Variants in AQP9 observed in about 807,000 individuals in gnomAD.
AQP9 encodes the protein aquaporin 9.
A neutral mutation model predicts 23.8 loss-of-function variants in AQP9; 19 were observed. The observed-to-expected ratio is 0.80, with a 90% CI of 0.56 to 1.17. The LOEUF is 1.17. AQP9 is among the 50% of genes most tolerant of loss of function. AQP9 has a pLI of 0.00. For missense variants in AQP9, 413 were observed against 362.0 expected, an observed-to-expected ratio of 1.14 and a Z score of -1.14; for synonymous variants, 153 against 131.5, an observed-to-expected ratio of 1.16 and a Z score of -1.12.
intron 1 of AQP9, chr15:58,155,185 G>A (rs938186549): frequency 5.9e-5 from 9 of 152,124 alleles, no homozygotes; most frequent in African/African-American, 1.7e-4. Flanking sequence ...TGTAAACTAC[G>A]GCTGAATAAT....
chr15:58,139,160 G>A (rs771795229), intron 1 of AQP9, among the ~76,000 whole-genome samples: 2 of 152,174 alleles, frequency 1.3e-5, no homozygotes, highest in Non-Finnish European at 2.9e-5. Context: ...TGTGCTGTCA[G>A]ATCACTTGAT....
intron 1 of AQP9, among the ~76,000 whole-genome samples, chr15:58,162,118 A>G (rs1277053520): frequency 2.0e-5 from 3 of 152,236 alleles, no homozygotes; most frequent in Non-Finnish European, 4.4e-5. Context: ...CAGAAGGTAC[A>G]GGGTTAATTA....
intron 3 of AQP9, among the ~76,000 whole-genome samples, chr15:58,173,628 T>G: frequency 6.6e-6 from 1 of 152,168 alleles, no homozygotes; most frequent in East Asian, 1.9e-4. Context: ...AGATGTGGGC[T>G]GGGTGGGAGC....
At chr15:58,177,817 A>G (rs1898792334) in intron 4 of AQP9, among the ~76,000 whole-genome samples, 1 of 152,228 alleles carries the variant, frequency 6.6e-6, no homozygotes, top group African/African-American at 2.4e-5. Flanking sequence ...AAAACTAATA[A>G]CATAGAAACC....
chr15:58,138,356 T>C (rs1897892954), upstream of AQP9: 2 of 452,140 alleles, frequency 4.4e-6, no homozygotes, highest in South Asian at 3.9e-5. Flanking sequence ...TTCAAACAAA[T>C]AGCAGCGAAC....
intron 2 of AQP9, 88 bp downstream of exon 2, chr15:58,166,887 A>T (rs1898519936): frequency 4.9e-6 from 7 of 1,438,076 alleles, no homozygotes; most frequent in African/African-American, 1.4e-5. Context: ...ACCTTAATTT[A>T]CTTATATCTC....
chr15:58,166,324 T>C (rs1428594690), intron 1 of AQP9, among the ~76,000 whole-genome samples: 8 of 152,230 alleles, frequency 5.3e-5, no homozygotes, highest in African/African-American at 1.9e-4. Flanking sequence ...GACTTTTCTG[T>C]ATTATTTCTT....
At chr15:58,164,211 C>T (rs1898449273) in intron 1 of AQP9, 1 of 152,170 alleles carries the variant, frequency 6.6e-6, no homozygotes, top group African/African-American at 2.4e-5. Context: ...CACGGACCCA[C>T]TTGAGCCATT....
intron 1 of AQP9, chr15:58,146,722 A>G (rs1227544352): frequency 2.6e-5 from 4 of 152,130 alleles, no homozygotes; most frequent in Non-Finnish European, 5.9e-5. Flanking sequence ...GTTCTTCCAG[A>G]GCAGGTTTGC....
chr15:58,156,980 A>C (rs1415501152), intron 1 of AQP9, among the ~76,000 whole-genome samples: 3 of 152,172 alleles, frequency 2.0e-5, no homozygotes, highest in Non-Finnish European at 4.4e-5. Flanking sequence ...CCTCCTCCTA[A>C]AGGGGATTAA....
At chr15:58,164,813 TCTC>T (rs570138621) in intron 1 of AQP9, among the ~76,000 whole-genome samples, 13 of 152,244 alleles carry the variant, frequency 8.5e-5, no homozygotes, top group African/African-American at 3.1e-4. Flanking sequence ...TGTAACTTAT[TCTC>T]CTCTAAAGGA....
chr15:58,145,205 A>C (rs1292537074), intron 1 of AQP9, among the ~76,000 whole-genome samples: 3 of 151,744 alleles, frequency 2.0e-5, no homozygotes, highest in Non-Finnish European at 4.4e-5. Flanking sequence ...CCTTTCTATT[A>C]ACGTATTTAC....
intron 5 of AQP9, 120 bp from the exon 6 acceptor site, chr15:58,183,841 T>G: frequency 8.8e-7 from 1 of 1,141,336 alleles, no homozygotes; most frequent in Non-Finnish European, 1.3e-6. Context: ...TATACTTAGC[T>G]CTTGCTGAGT....
intron 1 of AQP9, among the ~76,000 whole-genome samples, chr15:58,157,308 G>T (rs1197251179): frequency 6.6e-6 from 1 of 152,190 alleles, no homozygotes; most frequent in East Asian, 1.9e-4. Context: ...GCTCTGAACT[G>T]GCACCACTGG....
At chr15:58,167,897 G>C (rs962718476) in intron 2 of AQP9, among the ~76,000 whole-genome samples, 12 of 152,040 alleles carry the variant, frequency 7.9e-5, no homozygotes, top group African/African-American at 2.7e-4. Context: ...TAATTATTTT[G>C]TATTTTTAGT....
chr15:58,157,737 C>T (rs530658682), intron 1 of AQP9, among the ~76,000 whole-genome samples: 104 of 152,208 alleles, frequency 6.8e-4, no homozygotes, highest in African/African-American at 2.1e-3. Flanking sequence ...AGTTTTCTAC[C>T]GGTGGGTGCT....
At chr15:58,158,705 A>T (rs966225194) in intron 1 of AQP9, among the ~76,000 whole-genome samples, 1 of 152,208 alleles carries the variant, frequency 6.6e-6, no homozygotes, top group Admixed American at 6.5e-5. Flanking sequence ...TATACACTAC[A>T]ACATTCTTTT....
At chr15:58,169,551 T>A (rs1898577031) in intron 2 of AQP9, among the ~76,000 whole-genome samples, 1 of 152,200 alleles carries the variant, frequency 6.6e-6, no homozygotes, top group Non-Finnish European at 1.5e-5. Context: ...CATACTGGTT[T>A]GTGGGCACAT....
intron 1 of AQP9, chr15:58,150,507 G>C (rs769731167): frequency 1.3e-5 from 2 of 152,546 alleles, no homozygotes; most frequent in Non-Finnish European, 2.9e-5. Context: ...GCCTGATATT[G>C]ACACTTCATA....
Sources: allele counts gnomAD v4.1 joint callset (sites outside exome capture counted in the v4.1 genomes callset), GRCh38; gene constraint gnomAD v4.1.1; transcripts MANE v1.5; gene names NCBI Gene and HGNC (gene_info 2026-07-23, HGNC 2026-07-21).